The following NEK2 variants were observed in gnomAD, a reference collection of about 807,000 sequenced individuals.
NEK2 encodes NIMA related kinase 2.
NEK2 carries 28 observed loss-of-function variants against 54.1 expected under a neutral mutation model. The observed-to-expected ratio is 0.52, with a 90% CI of 0.38 to 0.71. The LOEUF (loss-of-function observed/expected upper bound fraction) is 0.71, where lower values mean the gene tolerates loss of function less well. NEK2 is among the 30% of genes least tolerant of loss of function. The pLI is 0.00. For synonymous variants in NEK2, 176 were observed against 193.1 expected (o/e 0.91, Z 0.73); for missense variants, 407 against 531.5 (o/e 0.77, Z 2.30).
At chr1:211,666,906 C>T (rs1655198715) in intron 7 of NEK2, 200 bp downstream of exon 7, 7 of 1,353,976 alleles carry the variant, frequency 5.2e-6, no homozygotes, top group Non-Finnish European at 6.6e-6. Flanking sequence ...GACTCATTGC[C>T]TCAGGTCTAT....
Position 211,670,274 on chromosome 1 carries a change from TCTTTAC to T in NEK2, c.765+1_765+6del, listed in dbSNP as rs761877869. 2 of 1,607,790 alleles carry T rather than the reference TCTTTAC, an allele frequency of 1.2e-6. No individual in the cohort carries two copies. The highest frequency in any genetic ancestry group is 1.7e-6 in the Non-Finnish European group (2 of 1,176,928). On this transcript the variant is annotated splice_donor_variant and splice_donor_5th_base_variant and intron_variant, in intron 5 of 7. Coordinates refer to ENST00000366999, the MANE Select transcript of NEK2 (RefSeq NM_002497.4). LOFTEE classifies it high-confidence loss of function. ...AAACAGACAATATATCATCTTATCA[TCTTTAC>T]CTTTAAGTTTAACATCCTCGTAATA...
intron 7 of NEK2, among the ~76,000 whole-genome samples, chr1:211,665,524 C>A (rs1655150591): frequency 6.6e-6 from 1 of 152,168 alleles, no homozygotes; most frequent in Admixed American, 6.5e-5. Flanking sequence ...TTAAGTAATT[C>A]TCTGCAATGG....
At chr1:211,671,020 A>G in intron 4 of NEK2, 182 bp downstream of exon 4, 1 of 570,930 alleles carries the variant, frequency 1.8e-6, no homozygotes, top group Non-Finnish European at 3.1e-6. Flanking sequence ...CATGGCTTAT[A>G]GTTTTAATTT....
At chr1:211,666,304 A>C (rs1655176155) in intron 7 of NEK2, 1 of 156,302 alleles carries the variant, frequency 6.4e-6, no homozygotes, top group Non-Finnish European at 1.4e-5. Context: ...AATTTCAACA[A>C]ATATGTCTTT....
chr1:211,672,157 A>T (rs2102446015), intron 3 of NEK2, among the ~76,000 whole-genome samples: 1 of 152,338 alleles, frequency 6.6e-6, no homozygotes, highest in East Asian at 1.9e-4. Context: ...AAGGTGAACT[A>T]CTAAAATACT....
intron 2 of NEK2, 124 bp downstream of exon 2, chr1:211,674,172 A>G (rs61849682): frequency 0.11 from 77,044 of 726,832 alleles, 5,006 homozygotes; most frequent in African/African-American, 0.22. Context: ...AATTTTCTAA[A>G]GTACTGTGGA....
At chr1:211,659,006 G>A (rs1208997740), downstream of NEK2, among the ~76,000 whole-genome samples, 1 of 152,158 alleles carries the variant, frequency 6.6e-6, no homozygotes, top group Non-Finnish European at 1.5e-5. Flanking sequence ...TACTGAGGAT[G>A]CTTCAATGTT....
chr1:211,672,615 TA>T (rs71721781), intron 3 of NEK2, among the ~76,000 whole-genome samples: 55 of 139,092 alleles, frequency 4.0e-4, no homozygotes, highest in African/African-American at 4.5e-4. Flanking sequence ...AGTAAAATAT[TA>T]AAAAAAAAAA....
intron 3 of NEK2, among the ~76,000 whole-genome samples, chr1:211,671,800 T>C (rs1655400916): frequency 6.6e-6 from 1 of 152,250 alleles, no homozygotes. Context: ...AGAGCTCCTA[T>C]TCTCAACAGA....
chr1:211,672,976 C>T (rs1195288899), intron 3 of NEK2, among the ~76,000 whole-genome samples: 2 of 151,812 alleles, frequency 1.3e-5, no homozygotes, highest in Non-Finnish European at 2.9e-5. Flanking sequence ...ATAACTCATG[C>T]AGCAAACAAA....
chr1:211,659,915 G>A (rs1049740753), downstream of NEK2, among the ~76,000 whole-genome samples: 6 of 147,160 alleles, frequency 4.1e-5, no homozygotes, highest in Admixed American at 1.4e-4. Context: ...TCCACCTCCC[G>A]GGCTCAGACA....
intron 5 of NEK2, among the ~76,000 whole-genome samples, chr1:211,669,720 T>G (rs1249199490): frequency 6.6e-6 from 1 of 152,220 alleles, no homozygotes; most frequent in Non-Finnish European, 1.5e-5. Context: ...TCCTGTCACT[T>G]CATCTGTATC....
chr1:211,675,052 T>C (rs967399972), intron 1 of NEK2, among the ~76,000 whole-genome samples: 4 of 152,218 alleles, frequency 2.6e-5, no homozygotes, highest in African/African-American at 9.6e-5. Flanking sequence ...TGCCCCTTTC[T>C]TGTGCCTGAG....
rs1655512871 is a variant in NEK2 at position 211,674,465 on chromosome 1, T to G, written c.145A>C (p.Lys49Gln). The G allele has an allele frequency of 6.2e-7, 1 of 1,613,946 alleles. No homozygotes were observed. The highest frequency in any genetic ancestry group is 8.5e-7 in the Non-Finnish European group (1 of 1,179,984). Residue 49 changes from lysine (K) to glutamine (Q), a missense_variant, in exon 2 of 8, where the codon AAA (lysine) becomes CAA (glutamine). Lys to Gln is a moderately conservative substitution (Grantham distance 53, BLOSUM62 1). Coordinates refer to ENST00000366999, the MANE Select transcript of NEK2 (RefSeq NM_002497.4). ...LDYGSMTEAE[K>Q]QMLVSEVNLL... ...TTCACTTCAGAAACAAGCATCTGTT[T>G]CTCAGCTTCTGTCATGGAGCCATAG...
Position 211,670,419 on chromosome 1 carries a change from AAAG to A in NEK2, c.639-15_639-13del, listed in dbSNP as rs750623306. The A allele has an allele frequency of 2.6e-5, 41 of 1,595,594 alleles. No homozygotes were observed. Among genetic ancestry groups the A allele is most frequent in the South Asian group, 1.1e-4 (10 of 86,978 alleles). On this transcript the variant is annotated splice_polypyrimidine_tract_variant and intron_variant, in intron 4 of 7. Transcript: ENST00000366999. ...CTGTAAATGGAGGCCTAGGGTTAAA[AAAG>A]AAGAAGAAGACGACGAAGACATTTT...
chr1:211,665,996 G>T (rs761033605), intron 7 of NEK2, among the ~76,000 whole-genome samples: 2 of 152,170 alleles, frequency 1.3e-5, no homozygotes, highest in Admixed American at 6.5e-5. Flanking sequence ...TCAGATGCTC[G>T]ATTTTTGAAA....
downstream of NEK2, chr1:211,661,004 G>C (rs753735113): frequency 1.4e-6 from 1 of 740,060 alleles, no homozygotes; most frequent in Non-Finnish European, 2.5e-6. Flanking sequence ...ATCAGGGCCC[G>C]CTGGAAACTA....
rs112957745 is a variant in NEK2, at chr1:211,666,980, T to C, written c.1111+126A>G. ...TTTCCATTGAAATGCATATATTCAA[T>C]GAAATCCATCTTAAAATTTGAGATT... On this transcript the variant is annotated intron_variant, in intron 7 of 7. Transcript: ENST00000366999. The C allele has an allele frequency of 1.3e-4, 191 of 1,514,870 alleles. No individual in the cohort carries two copies. In the African/African-American group the frequency reaches 2.5e-3, roughly 20 times the overall value. The allele number at this position is 1,514,870 out of a possible 1,614,324, so 93.8% of individuals were successfully genotyped here.
At position 211,674,469 on chromosome 1, in the gene NEK2, A is replaced by T; in HGVS notation, c.141T>A (p.Ala47=). The change falls in exon 2 of 8, where the codon GCT becomes GCA. Residue 47 remains alanine, a synonymous_variant. Coordinates refer to ENST00000366999, the MANE Select transcript of NEK2 (RefSeq NM_002497.4). ...KELDYGSMTE[A]EKQMLVSEVN... The stretch of plus-strand genomic sequence containing the variant: ...CTTCAGAAACAAGCATCTGTTTCTC[A>T]GCTTCTGTCATGGAGCCATAGTCAA... 6.2e-7 allele frequency: 1 copy of T among 1,614,020 alleles called. No individual in the cohort carries two copies. The highest frequency in any genetic ancestry group is 8.5e-7 in the Non-Finnish European group (1 of 1,179,948).
Sources: gnomAD v4.1 joint callset for allele counts (sites outside exome capture counted in the v4.1 genomes callset) on GRCh38, gnomAD v4.1.1 for gene constraint, MANE v1.5 for transcripts, NCBI Gene and HGNC (gene_info 2026-07-23, HGNC 2026-07-21) for gene names.